The following EML5 variants were observed in gnomAD, a reference collection of about 807,000 sequenced individuals.
The protein encoded by EML5 is echinoderm microtubule-associated protein-like 5.
EML5 carries 120 observed loss-of-function variants against 250.0 expected under a neutral mutation model. The observed-to-expected ratio is 0.48, with a 90% CI of 0.41 to 0.56. The LOEUF (loss-of-function observed/expected upper bound fraction) is 0.56, where lower values mean the gene tolerates loss of function less well. EML5 is among the 20% of genes least tolerant of loss of function. The pLI is 0.00. For missense variants in EML5, 2,006 were observed against 2,437.6 expected, an observed-to-expected ratio of 0.82 and a Z score of 3.73; for synonymous variants, 771 against 806.5, an observed-to-expected ratio of 0.96 and a Z score of 0.75.
chr14:88,636,692 G>T, intron 32 of EML5, among the ~76,000 whole-genome samples: 1 of 151,962 alleles, frequency 6.6e-6, no homozygotes, highest in East Asian at 1.9e-4. Flanking sequence ...ATAAGAACTA[G>T]ATAAGACTCA....
At chr14:88,743,189 A>C (rs1267519461) in intron 4 of EML5, among the ~76,000 whole-genome samples, 3 of 152,082 alleles carry the variant, frequency 2.0e-5, no homozygotes, top group African/African-American at 4.8e-5. Flanking sequence ...GAGGAGGAAT[A>C]AGTTCTACTA....
intron 27 of EML5, among the ~76,000 whole-genome samples, chr14:88,655,593 C>A (rs529199391): frequency 4.5e-4 from 68 of 152,114 alleles, no homozygotes; most frequent in African/African-American, 1.6e-3. Context: ...AAAACACTGA[C>A]AGCAATTGCA....
At chr14:88,682,617 T>A (rs1275211930) in intron 20 of EML5, among the ~76,000 whole-genome samples, 2 of 151,942 alleles carry the variant, frequency 1.3e-5, no homozygotes, top group Non-Finnish European at 2.9e-5. Context: ...AGGCTCTCTC[T>A]CCCCCCAGCT....
rs888240394 is a variant in EML5 at position 88,786,623 on chromosome 14, G to A, written c.197+5684C>T. Reference sequence around the variant, plus strand: ...CATAATTCCCATGTGTTGTGGGAGGGACCCAGTGGGAGATAATTTGAATCA... The same window carrying A: ...CATAATTCCCATGTGTTGTGGGAGGAACCCAGTGGGAGATAATTTGAATCA... On this transcript the variant is annotated intron_variant, in intron 1 of 43. Coordinates refer to ENST00000554922, the MANE Select transcript of EML5 (RefSeq NM_183387.3). 3.3e-5 allele frequency among the ~76,000 whole-genome samples: 5 copies of A among 152,168 alleles called. No individual in the cohort carries two copies. The South Asian group carries it at 8.3e-4, about 25-fold the overall frequency.
At chr14:88,737,274 C>T (rs1004574400) in intron 6 of EML5, among the ~76,000 whole-genome samples, 2 of 152,216 alleles carry the variant, frequency 1.3e-5, no homozygotes, top group Non-Finnish European at 2.9e-5. Flanking sequence ...CTGTAACACC[C>T]CCTTTGGGGC....
At chr14:88,644,708 T>C (rs1174990684) in intron 29 of EML5, 197 bp from the exon 30 acceptor site, 34 of 485,928 alleles carry the variant, frequency 7.0e-5, no homozygotes, top group Non-Finnish European at 3.6e-6. Flanking sequence ...CAACTTTTAT[T>C]CATTTTATTT....
chr14:88,713,570 C>A (rs1211587613), intron 9 of EML5, among the ~76,000 whole-genome samples: 1 of 151,624 alleles, frequency 6.6e-6, no homozygotes, highest in East Asian at 1.9e-4. Context: ...CTTGAACTCC[C>A]AGCTCAAATG....
chr14:88,615,963 C>T (rs2087545343), intron 43 of EML5, 109 bp from the exon 44 acceptor site: 2 of 1,330,854 alleles, frequency 1.5e-6, no homozygotes, highest in Non-Finnish European at 2.1e-6. Flanking sequence ...TATTTTTCCT[C>T]TTTAACTCCT....
intron 29 of EML5, 64 bp from the exon 30 acceptor site, chr14:88,644,575 A>C: frequency 4.8e-5 from 70 of 1,453,844 alleles, no homozygotes; most frequent in Non-Finnish European, 6.6e-5. Context: ...TGAGCCTCTC[A>C]CACCATCCCT....
At position 88,792,754 on chromosome 14, in the gene EML5, G is replaced by C; in HGVS notation, c.-251C>G. On this transcript the variant is annotated 5_prime_UTR_variant, in exon 1 of 44. Coordinates refer to ENST00000554922, the MANE Select transcript of EML5 (RefSeq NM_183387.3). This position sits in a 1 kb window ranked among gnomAD's most constrained non-coding sequence, Gnocchi z 6.9. Reference sequence around the variant, plus strand: ...GCCGGCTGTCAAGTGGATGCCCAGAGCCCTTCGCCCGCCTCGGCTCGCCTA... The same window carrying C: ...GCCGGCTGTCAAGTGGATGCCCAGACCCCTTCGCCCGCCTCGGCTCGCCTA... The C allele has an allele frequency of 9.5e-7, 1 of 1,056,692 alleles. No homozygotes were observed. Among genetic ancestry groups the C allele is most frequent in the Non-Finnish European group, 1.1e-6 (1 of 876,688 alleles). The allele number at this position is 1,056,692 out of a possible 1,614,324, so 65.5% of individuals were successfully genotyped here.
Position 88,657,433 on chromosome 14 carries a change from C to T in EML5, c.3947G>A (p.Arg1316His), listed in dbSNP as rs764868671. 8 of 1,600,886 alleles carry T rather than the reference C, an allele frequency of 5.0e-6. No homozygotes were observed. Among genetic ancestry groups the T allele is most frequent in the East Asian group, 2.2e-5 (1 of 44,582 alleles). ...ATGAGGCTTGATTCCTAACATTGGG[C>T]GAATATTTGTTGATAAGGCTCTGAT... ...YTIRALSTNI[R>H]PMLGIKPHLQ... The change falls in exon 27 of 44, where the codon CGC becomes CAC. Residue 1316 changes from arginine (R) to histidine (H), a missense_variant. Arg to His is a conservative substitution (Grantham distance 29). This residue lies in a region of EML5 where 1,375 missense variants were observed against 1,590.3 expected (regional missense o/e 0.86). Coordinates refer to ENST00000554922, the MANE Select transcript of EML5 (RefSeq NM_183387.3).
At chr14:88,636,355 G>A (rs1308368956) in intron 32 of EML5, among the ~76,000 whole-genome samples, 3 of 152,102 alleles carry the variant, frequency 2.0e-5, no homozygotes, top group African/African-American at 7.2e-5. Context: ...GGGTGCCAAA[G>A]GAGACCTTTT....
At chr14:88,635,767 G>A (rs887639819) in intron 32 of EML5, among the ~76,000 whole-genome samples, 1 of 152,106 alleles carries the variant, frequency 6.6e-6, no homozygotes, top group African/African-American at 2.4e-5. Context: ...TTCATATACT[G>A]AAACCCTAAT....
intron 33 of EML5, among the ~76,000 whole-genome samples, chr14:88,631,574 G>A (rs2090439807): frequency 6.6e-6 from 1 of 152,142 alleles, no homozygotes; most frequent in African/African-American, 2.4e-5. Context: ...TTCGAGACCA[G>A]CCTAGCCAAC....
intron 23 of EML5, 79 bp downstream of exon 23, chr14:88,664,414 T>A (rs1195952245): frequency 1.7e-6 from 2 of 1,207,644 alleles, no homozygotes; most frequent in Non-Finnish European, 2.2e-6. Context: ...ATCTGTTGAA[T>A]CACTTTTCCG....
intron 35 of EML5, chr14:88,626,634 CT>C: frequency 1.7e-6 from 1 of 588,444 alleles, no homozygotes; most frequent in South Asian, 2.2e-5. Context: ...AAAAAAAATC[CT>C]TTTCCCCCTC....
intron 17 of EML5, among the ~76,000 whole-genome samples, chr14:88,692,782 G>A (rs1179154158): frequency 6.6e-6 from 1 of 152,202 alleles, no homozygotes; most frequent in Non-Finnish European, 1.5e-5. Context: ...AAACGCATAT[G>A]CTGTTATCTG....
At chr14:88,652,709 T>A (rs2091688457) in intron 27 of EML5, among the ~76,000 whole-genome samples, 1 of 152,204 alleles carries the variant, frequency 6.6e-6, no homozygotes, top group South Asian at 2.1e-4. Flanking sequence ...TGTTTCTGGA[T>A]CTTTTCCTTT....
chr14:88,785,834 C>T (rs1485113535), intron 1 of EML5, among the ~76,000 whole-genome samples: 1 of 152,208 alleles, frequency 6.6e-6, no homozygotes, highest in East Asian at 1.9e-4. Context: ...TCTCTTCAGT[C>T]TGTTCTCAAC....
Sources: gnomAD v4.1 joint callset for allele counts (sites outside exome capture counted in the v4.1 genomes callset) on GRCh38, gnomAD v4.1.1 for gene constraint, gnomAD v4.1.1 regional missense constraint, Gnocchi (gnomAD v3.1) non-coding constraint, MANE v1.5 for transcripts, NCBI Gene and HGNC (gene_info 2026-07-23, HGNC 2026-07-21) for gene names.